KCNH8: variants seen among roughly 807,000 people sequenced by gnomAD.
KCNH8 encodes the protein potassium voltage-gated channel subfamily H member 8.
A neutral mutation model predicts 103.6 loss-of-function variants in KCNH8; 70 were observed. The ratio of observed to expected loss-of-function variants is 0.68; its 90% CI spans 0.56 to 0.82. The LOEUF (loss-of-function observed/expected upper bound fraction) is 0.82. KCNH8 is among the 40% of genes least tolerant of loss of function. KCNH8 has a pLI of 0.00. For synonymous variants in KCNH8, 498 were observed against 489.4 expected (o/e 1.02, Z -0.23); for missense variants, 1,217 against 1,329.9 (o/e 0.92, Z 1.32).
chr3:19,241,744 A>C lies in KCNH8; in HGVS notation c.77-11910A>C, dbSNP rs1220718518. On this transcript the variant is annotated intron_variant, in intron 1 of 15. Coordinates refer to ENST00000328405, the MANE Select transcript of KCNH8 (RefSeq NM_144633.3). ...CACAGACACACACACACACACACAC[A>C]CACACACATGCTTGATAGAAGAGAA... is the stretch of plus-strand genomic sequence containing the variant. Among the ~76,000 whole-genome samples, 3 of 152,088 alleles carry C rather than the reference A, an allele frequency of 2.0e-5. No individual in the cohort carries two copies. The East Asian group carries it at 5.8e-4, about 29-fold the overall frequency.
chr3:19,173,624 A>G (rs2063369480), intron 1 of KCNH8, among the ~76,000 whole-genome samples: 1 of 152,074 alleles, frequency 6.6e-6, no homozygotes, highest in African/African-American at 2.4e-5. Context: ...AAAGGCATAA[A>G]CCTACACACA....
intron 11 of KCNH8, among the ~76,000 whole-genome samples, chr3:19,499,033 G>A (rs4532157): frequency 0.13 from 20,001 of 151,916 alleles, 1,841 homozygotes; most frequent in East Asian, 0.34. Flanking sequence ...AAGAAGTTGA[G>A]AACTTTGAAA....
intron 3 of KCNH8, among the ~76,000 whole-genome samples, chr3:19,332,181 T>C (rs74923937): frequency 0.027 from 4,122 of 152,226 alleles, 111 homozygotes; most frequent in East Asian, 0.12. Context: ...TAAACATTGC[T>C]TTGCTTTTGT....
intron 3 of KCNH8, among the ~76,000 whole-genome samples, chr3:19,330,485 A>C: frequency 6.6e-6 from 1 of 152,136 alleles, no homozygotes. Context: ...TCCAGCACCT[A>C]TTGTGAAACT....
At chr3:19,196,531 T>C (rs1383298983) in intron 1 of KCNH8, among the ~76,000 whole-genome samples, 1 of 152,000 alleles carries the variant, frequency 6.6e-6, no homozygotes, top group Non-Finnish European at 1.5e-5. Flanking sequence ...GTTATGTTTA[T>C]ATGGAGGTCT....
intron 5 of KCNH8, among the ~76,000 whole-genome samples, chr3:19,376,460 T>G (rs1328567919): frequency 1.3e-5 from 2 of 152,186 alleles, no homozygotes; most frequent in African/African-American, 2.4e-5. Flanking sequence ...CTTCGGCTCA[T>G]GCACGGTGCG....
In KCNH8 at chr3:19,373,119, G is replaced by A. The variant is rs192222475; in HGVS notation, c.812-17362G>A. The stretch of plus-strand genomic sequence containing the variant: ...CGGCTTTGGTATCAGAATGATGCTG[G>A]CCTCATAAAATGAGTTAGGGAGGAT... On this transcript the variant is annotated intron_variant, in intron 5 of 15. Transcript: ENST00000328405. Among the ~76,000 whole-genome samples, 746 of 151,960 alleles carry A rather than the reference G, an allele frequency of 4.9e-3. 13 individuals carry two copies. Among genetic ancestry groups the A allele is most frequent in the African/African-American group, 0.017 (697 of 41,374 alleles).
At chr3:19,174,546 A>T (rs1035271697) in intron 1 of KCNH8, among the ~76,000 whole-genome samples, 2 of 152,188 alleles carry the variant, frequency 1.3e-5, no homozygotes, top group Non-Finnish European at 2.9e-5. Flanking sequence ...ATGAAGGAAT[A>T]TTAATTATAG....
chr3:19,533,695 G>A lies in KCNH8; in HGVS notation c.2920G>A (p.Gly974Arg), dbSNP rs747712296. The change falls in exon 16 of 16, where the codon GGA becomes AGA. Residue 974 changes from glycine (G) to arginine (R), a missense_variant. By Grantham distance (125) the Gly-to-Arg change is moderately radical (BLOSUM62 -2). This residue lies in a region of KCNH8 where 558 missense variants were observed against 495.8 expected (regional missense o/e 1.13). Transcript: ENST00000328405. ...SSVGSSPQRTGAHEQNPADSE... is the reference protein window; with the variant it reads ...SSVGSSPQRTRAHEQNPADSE... ...TGTGGGGAGCAGCCCCCAACGAACTGGAGCTCATGAGCAAAATCCTGCAGA... is the reference window on the plus strand; with the variant it reads ...TGTGGGGAGCAGCCCCCAACGAACTAGAGCTCATGAGCAAAATCCTGCAGA... 6.2e-7 allele frequency: 1 copy of A among 1,614,156 alleles called. No homozygotes were observed. Among genetic ancestry groups the A allele is most frequent in the East Asian group, 2.2e-5 (1 of 44,880 alleles).
intron 1 of KCNH8, among the ~76,000 whole-genome samples, chr3:19,188,955 GT>G (rs113863380): frequency 2.0e-5 from 3 of 149,320 alleles, no homozygotes; most frequent in South Asian, 2.1e-4. Context: ...AAGTTTGTTT[GT>G]TTTTTTTTTA....
intron 5 of KCNH8, among the ~76,000 whole-genome samples, chr3:19,364,443 A>G (rs1412695511): frequency 2.6e-5 from 4 of 152,182 alleles, no homozygotes; most frequent in African/African-American, 2.4e-5. Context: ...CCAAGATAAT[A>G]TATTTGGAAC....
intron 2 of KCNH8, among the ~76,000 whole-genome samples, chr3:19,271,251 ACTGAACCACT>A (rs1318952664): frequency 6.6e-6 from 1 of 152,176 alleles, no homozygotes; most frequent in Non-Finnish European, 1.5e-5. Context: ...ACTTCAGTTT[ACTGAACCACT>A]CTGAACTCAT....
intron 7 of KCNH8, among the ~76,000 whole-genome samples, chr3:19,418,807 A>G (rs1454622324): frequency 6.6e-6 from 1 of 152,224 alleles, no homozygotes; most frequent in African/African-American, 2.4e-5. Context: ...TCTTTGTCAA[A>G]CAGTTTTCAT....
At chr3:19,506,067 A>T (rs975856581) in intron 11 of KCNH8, among the ~76,000 whole-genome samples, 3 of 152,076 alleles carry the variant, frequency 2.0e-5, no homozygotes, top group African/African-American at 7.2e-5. Flanking sequence ...ATTTTATGGT[A>T]CTCATTAGAT....
chr3:19,160,007 G>A (rs2063218591), intron 1 of KCNH8, among the ~76,000 whole-genome samples: 1 of 152,004 alleles, frequency 6.6e-6, no homozygotes, highest in Admixed American at 6.6e-5. Context: ...TAACAAAAAT[G>A]AAAAATAAGT....
intron 13 of KCNH8, 43 bp from the exon 14 acceptor site, chr3:19,515,279 G>C: frequency 9.5e-7 from 1 of 1,058,050 alleles, no homozygotes; most frequent in East Asian, 2.4e-5. Context: ...TGGAATCCAT[G>C]AATATGAATC....
At chr3:19,515,277 A>G (rs2125244111) in intron 13 of KCNH8, 45 bp from the exon 14 acceptor site, 1 of 1,039,784 alleles carries the variant, frequency 9.6e-7, no homozygotes, top group Admixed American at 2.2e-5. Flanking sequence ...ACTGGAATCC[A>G]TGAATATGAA....
At position 19,499,194 on chromosome 3, in the gene KCNH8, T is replaced by C. The variant is rs545121864; in HGVS notation, c.2041-11169T>C. Among the ~76,000 whole-genome samples, 6 of 152,120 alleles carry C rather than the reference T, an allele frequency of 3.9e-5. No homozygotes were observed. The South Asian group carries it at 6.2e-4, about 16-fold the overall frequency. On this transcript the variant is annotated intron_variant, in intron 11 of 15. Transcript: ENST00000328405. ...CAACTGGAAGAAAGGGTATCAGCGA[T>C]AGAAGATGAAATGAATGAAATGAAG...
At chr3:19,425,456 T>G (rs1174036534) in intron 7 of KCNH8, among the ~76,000 whole-genome samples, 1 of 152,200 alleles carries the variant, frequency 6.6e-6, no homozygotes, top group Non-Finnish European at 1.5e-5. Context: ...CACAACAACC[T>G]GAACATTGTG....
Sources: gnomAD v4.1 joint callset for allele counts (sites outside exome capture counted in the v4.1 genomes callset) on GRCh38, gnomAD v4.1.1 for gene constraint, gnomAD v4.1.1 regional missense constraint, MANE v1.5 for transcripts, NCBI Gene and HGNC (gene_info 2026-07-23, HGNC 2026-07-21) for gene names.